The following ARHGAP44 variants were observed in gnomAD, a reference collection of about 807,000 sequenced individuals.
The protein encoded by ARHGAP44 is Rho GTPase activating protein 44.
In ARHGAP44, 43 loss-of-function variants were observed where a neutral mutation model predicts 106.8. That is an observed-to-expected ratio of 0.40 (90% CI 0.32 to 0.52). ARHGAP44 has a LOEUF of 0.52. Among genes scored for constraint, ARHGAP44 ranks in the 20% least tolerant of loss-of-function variants. The probability of loss-of-function intolerance (pLI) is 0.48; values close to 1 mark genes in which losing one functional copy is unlikely to be tolerated. For synonymous variants in ARHGAP44, 439 were observed against 410.3 expected, an observed-to-expected ratio of 1.07 and a Z score of -0.85; for missense variants, 866 against 1,050.5, an observed-to-expected ratio of 0.82 and a Z score of 2.43.
At chr17:12,966,219 T>C (rs558034467) in intron 16 of ARHGAP44, among the ~76,000 whole-genome samples, 1 of 152,186 alleles carries the variant, frequency 6.6e-6, no homozygotes, top group African/African-American at 2.4e-5. Flanking sequence ...GTAATTTTAC[T>C]TCAGAGCTTG....
intron 1 of ARHGAP44, among the ~76,000 whole-genome samples, chr17:12,795,571 T>G (rs979204108): frequency 2.6e-5 from 4 of 151,794 alleles, no homozygotes; most frequent in Non-Finnish European, 5.9e-5. Flanking sequence ...TTTTTTTTTC[T>G]CTAGAGAAAG....
At chr17:12,834,461 A>G (rs1011380461) in intron 1 of ARHGAP44, among the ~76,000 whole-genome samples, 1 of 152,216 alleles carries the variant, frequency 6.6e-6, no homozygotes, top group Non-Finnish European at 1.5e-5. Flanking sequence ...CTATGATGGC[A>G]TCACTGCATT....
At chr17:12,802,730 A>G (rs2034130597) in intron 1 of ARHGAP44, among the ~76,000 whole-genome samples, 1 of 150,018 alleles carries the variant, frequency 6.7e-6, no homozygotes, top group Non-Finnish European at 1.5e-5. Flanking sequence ...CTGGCATTCA[A>G]AGTAGTCCAT....
At chr17:12,973,901 TG>T (rs1277808154) in intron 17 of ARHGAP44, 187 bp from the exon 18 acceptor site, 3 of 662,688 alleles carry the variant, frequency 4.5e-6, no homozygotes, top group Non-Finnish European at 8.0e-6. Flanking sequence ...CCCAGGGCTG[TG>T]TCTTGGCCGC....
rs1156643763 is a variant in ARHGAP44 at position 12,897,247 on chromosome 17, G to A, written c.198+736G>A. 1.4e-4 allele frequency among the ~76,000 whole-genome samples: 14 copies of A among 103,212 alleles called. No homozygotes were observed. The Admixed American group carries it at 1.6e-3, about 12-fold the overall frequency. 67.7% of individuals were successfully genotyped at this position (103,212 alleles called of 152,430 possible). A position where few individuals can be genotyped will look rare whatever the true frequency, so the allele number is the denominator to read the frequency against. ...CCTTGAGTTTATAATCTACATGATT[G>A]GTATCATTTAGACATTTTTTTTTTG... On this transcript the variant is annotated intron_variant, in intron 3 of 20. Coordinates refer to ENST00000379672, the MANE Select transcript of ARHGAP44 (RefSeq NM_014859.6).
intron 7 of ARHGAP44, 144 bp downstream of exon 7, chr17:12,929,190 C>G: frequency 1.5e-6 from 1 of 679,298 alleles, no homozygotes; most frequent in Non-Finnish European, 2.5e-6. Context: ...GCTAGCATCT[C>G]CAAGGAGTCC....
intron 6 of ARHGAP44, among the ~76,000 whole-genome samples, chr17:12,926,383 T>C (rs891809504): frequency 8.9e-5 from 13 of 145,950 alleles, no homozygotes; most frequent in African/African-American, 3.0e-4. Context: ...ATTATATATG[T>C]ATTATATATA....
At chr17:12,935,296 G>A (rs1026172573) in intron 7 of ARHGAP44, among the ~76,000 whole-genome samples, 4 of 152,246 alleles carry the variant, frequency 2.6e-5, no homozygotes, top group Admixed American at 6.5e-5. Context: ...CATATGGGCC[G>A]GGTGCGGTGG....
chr17:12,902,701 C>T (rs1314792425), intron 3 of ARHGAP44, among the ~76,000 whole-genome samples: 1 of 152,202 alleles, frequency 6.6e-6, no homozygotes, highest in Non-Finnish European at 1.5e-5. Context: ...AATCTGACGA[C>T]CCAAGGGTGA....
intron 1 of ARHGAP44, among the ~76,000 whole-genome samples, chr17:12,837,004 A>G (rs911742111): frequency 1.3e-5 from 2 of 152,234 alleles, no homozygotes; most frequent in African/African-American, 4.8e-5. Flanking sequence ...TGCTCATAAA[A>G]CATTCACCAA....
At position 12,975,626 on chromosome 17, in the gene ARHGAP44, A is replaced by G. The variant is rs563764170; in HGVS notation, c.1763+1316A>G. ...ATCCTGGCTAACACGGTGAAACCCC[A>G]CCTCTACTAAAAATACAAAAAATTA... On this transcript the variant is annotated intron_variant, in intron 18 of 20. Transcript: ENST00000379672. 8.6e-5 allele frequency among the ~76,000 whole-genome samples: 13 copies of G among 151,792 alleles called. No individual in the cohort carries two copies. In the South Asian group the frequency reaches 1.0e-3, roughly 12 times the overall value.
intron 1 of ARHGAP44, among the ~76,000 whole-genome samples, chr17:12,868,047 A>G (rs2036284697): frequency 6.6e-6 from 1 of 152,222 alleles, no homozygotes; most frequent in Non-Finnish European, 1.5e-5. Context: ...GCTTCTGATG[A>G]GTCTGTTTGG....
intron 6 of ARHGAP44, among the ~76,000 whole-genome samples, chr17:12,927,762 G>A (rs1028164291): frequency 6.6e-6 from 1 of 152,052 alleles, no homozygotes; most frequent in Admixed American, 6.6e-5. Context: ...CCCTGCTCCC[G>A]CCTGACTTCC....
intron 17 of ARHGAP44, chr17:12,973,708 C>A (rs1275079525): frequency 4.2e-6 from 2 of 480,914 alleles, no homozygotes; most frequent in Admixed American, 3.8e-5. Context: ...TGTCCCTGCC[C>A]CCCCAGTTAG....
intron 1 of ARHGAP44, among the ~76,000 whole-genome samples, chr17:12,815,420 G>A (rs1452107021): frequency 6.6e-6 from 1 of 152,158 alleles, no homozygotes; most frequent in African/African-American, 2.4e-5. Flanking sequence ...GGGTAGAAAA[G>A]GCTGGAAGCG....
At chr17:12,910,906 A>AT (rs1426410659) in intron 4 of ARHGAP44, among the ~76,000 whole-genome samples, 1 of 152,118 alleles carries the variant, frequency 6.6e-6, no homozygotes, top group Non-Finnish European at 1.5e-5. Context: ...AATAAAATAA[A>AT]TTTAGTGTCA....
intron 1 of ARHGAP44, among the ~76,000 whole-genome samples, chr17:12,893,479 A>G (rs2108541): frequency 0.74 from 112,908 of 152,136 alleles, 42,247 homozygotes; most frequent in East Asian, 0.98. Context: ...AGGTGACCAT[A>G]TGATTTCCAC....
intron 10 of ARHGAP44, 142 bp from the exon 11 acceptor site, chr17:12,948,998 A>G: frequency 1.2e-6 from 1 of 809,690 alleles, no homozygotes; most frequent in Non-Finnish European, 2.0e-6. Flanking sequence ...TTGAGAAAGC[A>G]GGCAACTGGG....
At chr17:12,849,893 T>A (rs958902169) in intron 1 of ARHGAP44, among the ~76,000 whole-genome samples, 2 of 152,110 alleles carry the variant, frequency 1.3e-5, no homozygotes, top group African/African-American at 2.4e-5. Context: ...TTTGTTCGAG[T>A]GAGCGATTCT....
Sources: allele counts gnomAD v4.1 joint callset (sites outside exome capture counted in the v4.1 genomes callset), GRCh38; gene constraint gnomAD v4.1.1; transcripts MANE v1.5; gene names NCBI Gene and HGNC (gene_info 2026-07-23, HGNC 2026-07-21).